The following SMG9 variants were observed in gnomAD, a reference collection of about 807,000 sequenced individuals.
The protein encoded by SMG9 is nonsense-mediated mRNA decay factor SMG9.
Under a neutral mutation model 64.0 loss-of-function variants are expected in SMG9, and 55 were observed. That is an observed-to-expected ratio of 0.86 (90% CI 0.69 to 1.08). The LOEUF is 1.08. Among genes scored for constraint, SMG9 ranks in the 50% least tolerant of loss-of-function variants. The pLI is 0.00. For synonymous variants in SMG9, 244 were observed against 254.8 expected, an observed-to-expected ratio of 0.96 and a Z score of 0.41; for missense variants, 554 against 681.3, an observed-to-expected ratio of 0.81 and a Z score of 2.08.
At chr19:43,738,933 T>C (rs1168486711) in intron 7 of SMG9, among the ~76,000 whole-genome samples, 2 of 152,172 alleles carry the variant, frequency 1.3e-5, no homozygotes, top group East Asian at 3.8e-4. Context: ...CACATCACAT[T>C]TGTAGATTTT....
Position 43,731,209 on chromosome 19 carries a change from G to C in SMG9, c.*387C>G. On this transcript the variant is annotated 3_prime_UTR_variant, in exon 14 of 14. Transcript: ENST00000270066. ...ATCTGTTCCAATAAAGAGCTCTCCAGACCCTGCCTCACCTTACAGGGAAGG... is the reference window on the plus strand; with the variant it reads ...ATCTGTTCCAATAAAGAGCTCTCCACACCCTGCCTCACCTTACAGGGAAGG... The C allele has an allele frequency of 9.7e-7, 1 of 1,035,090 alleles. No homozygotes were observed. Among genetic ancestry groups the C allele is most frequent in the Non-Finnish European group, 1.2e-6 (1 of 861,354 alleles). 64.1% of individuals were successfully genotyped at this position (1,035,090 alleles called of 1,614,324 possible).
Position 43,733,442 on chromosome 19 carries a change from G to C in SMG9, c.1221C>G (p.Ser407=). The C allele has an allele frequency of 6.2e-7, 1 of 1,613,968 alleles. No individual in the cohort carries two copies. The highest frequency in any genetic ancestry group is 8.5e-7 in the Non-Finnish European group (1 of 1,180,012). Residue 407 remains serine (S), a synonymous_variant, in exon 12 of 14, where the codon TCC becomes TCG. Coordinates refer to ENST00000270066, the MANE Select transcript of SMG9 (RefSeq NM_019108.4). Reference sequence around the variant, plus strand: ...CCGGGAAGACATTGCATTGTAACATGGACAGAGTTCCTGGAGGAGAAAACG... The same window carrying C: ...CCGGGAAGACATTGCATTGTAACATCGACAGAGTTCCTGGAGGAGAAAACG... ...HSHLRYKGTL[S]MLQCNVFPGL...
In SMG9 at chr19:43,747,622, C is replaced by G; in HGVS notation, c.490+11G>C. On this transcript the variant is annotated intron_variant, in intron 4 of 13. Coordinates refer to ENST00000270066, the MANE Select transcript of SMG9 (RefSeq NM_019108.4). ...CAGTTCCCAACCTGGTACTGCCCAG[C>G]CCCAACTCACGGTCCATGGCTGCTG... The G allele has an allele frequency of 6.2e-7, 1 of 1,613,970 alleles. No homozygotes were observed. Among genetic ancestry groups the G allele is most frequent in the Non-Finnish European group, 8.5e-7 (1 of 1,179,938 alleles).
At chr19:43,754,614 G>A (rs1287705164) in intron 1 of SMG9, 40 bp downstream of exon 1, 1 of 152,076 alleles carries the variant, frequency 6.6e-6, no homozygotes, top group Non-Finnish European at 1.5e-5. Context: ...CCCGCCCGCC[G>A]CCGGTGCGCT....
intron 1 of SMG9, among the ~76,000 whole-genome samples, chr19:43,753,951 C>G (rs60113973): frequency 1.7e-3 from 259 of 151,342 alleles, no homozygotes; most frequent in African/African-American, 6.1e-3. Context: ...CACATGCAAG[C>G]TGGGGACTTC....
Position 43,748,022 on chromosome 19 carries a change from T to G in SMG9, c.181A>C (p.Met61Leu), listed in dbSNP as rs774279651. Reference sequence around the variant, plus strand: ...GAGAGGATGATGGGGGTTTTCTGCATGACGGAAGTGCTTGTCTCTTCGCTG... The same window carrying G: ...GAGAGGATGATGGGGGTTTTCTGCAGGACGGAAGTGCTTGTCTCTTCGCTG... ...DASEETSTSV[M>L]QKTPIILSKP... Residue 61 changes from methionine to leucine, a missense_variant, in exon 3 of 14, where the codon ATG (methionine) becomes CTG (leucine). Coordinates refer to ENST00000270066, the MANE Select transcript of SMG9 (RefSeq NM_019108.4). The G allele has an allele frequency of 6.2e-7, 1 of 1,613,114 alleles. No individual in the cohort carries two copies. The highest frequency in any genetic ancestry group is 8.5e-7 in the Non-Finnish European group (1 of 1,179,550).
intron 5 of SMG9, among the ~76,000 whole-genome samples, chr19:43,745,246 T>C (rs545913404): frequency 3.9e-5 from 6 of 152,234 alleles, no homozygotes; most frequent in African/African-American, 9.6e-5. Context: ...TTGGAGAAGA[T>C]AGGACTCGGC....
chr19:43,747,220 T>C (rs571069952), intron 5 of SMG9, among the ~76,000 whole-genome samples: 9 of 152,160 alleles, frequency 5.9e-5, no homozygotes, highest in Non-Finnish European at 1.3e-4. Flanking sequence ...AGAGTACTTC[T>C]TTACCAATCG....
chr19:43,747,726 G>A lies in SMG9; in HGVS notation c.397C>T (p.Pro133Ser). ...APPPPAAPAP[P>S]KGEKEGQRPT... ...CTCTGCCCCTCCTTCTCCCCCTTGG[G>A]TGGCGCAGGGGCTGCAGGGGGTGGT... is the stretch of plus-strand genomic sequence containing the variant. Residue 133 changes from proline (P) to serine (S), a missense_variant, in exon 4 of 14, where the codon CCC becomes TCC. Pro to Ser is a moderately conservative substitution (Grantham distance 74, BLOSUM62 -1). Coordinates refer to ENST00000270066, the MANE Select transcript of SMG9 (RefSeq NM_019108.4). 1 of 1,611,374 alleles carries A rather than the reference G, an allele frequency of 6.2e-7. No individual in the cohort carries two copies. The highest frequency in any genetic ancestry group is 1.7e-5 in the Admixed American group (1 of 59,758).
chr19:43,728,974 C>G lies in SMG9; in HGVS notation c.*2622G>C, dbSNP rs963813457. 1.0e-6 allele frequency: 1 copy of G among 985,384 alleles called. No homozygotes were observed. The highest frequency in any genetic ancestry group is 6.1e-5 in the Admixed American group (1 of 16,272). The allele number at this position is 985,384 out of a possible 1,614,324, so 61.0% of individuals were successfully genotyped here. A position where few individuals can be genotyped will look rare whatever the true frequency, so the allele number is the denominator to read the frequency against. ...GCCCATCTTGCAGCCCATCCTAGAGCAGAAGGCCTCCCTGCAGCAGTATAT... is the reference window on the plus strand; with the variant it reads ...GCCCATCTTGCAGCCCATCCTAGAGGAGAAGGCCTCCCTGCAGCAGTATAT... On this transcript the variant is annotated 3_prime_UTR_variant, in exon 14 of 14. Coordinates refer to ENST00000270066, the MANE Select transcript of SMG9 (RefSeq NM_019108.4).
At chr19:43,740,755 TGA>T (rs1968822252) in intron 6 of SMG9, among the ~76,000 whole-genome samples, 1 of 151,452 alleles carries the variant, frequency 6.6e-6, no homozygotes, top group African/African-American at 2.4e-5. Flanking sequence ...ACTCCCACAG[TGA>T]GAGAGAGTTT....
In SMG9 at chr19:43,731,031, C is replaced by T; in HGVS notation, c.*565G>A. The T allele has an allele frequency of 3.8e-6, 3 of 787,460 alleles. No homozygotes were observed. The highest frequency in any genetic ancestry group is 4.6e-6 in the Non-Finnish European group (3 of 649,224). The allele number at this position is 787,460 out of a possible 1,614,324, so 48.8% of individuals were successfully genotyped here. ...ATGCCACCCCAGGAAACAGAATAACCCCTTCTAGGGACTTCTTAGCAGAGA... is the reference window on the plus strand; with the variant it reads ...ATGCCACCCCAGGAAACAGAATAACTCCTTCTAGGGACTTCTTAGCAGAGA... On this transcript the variant is annotated 3_prime_UTR_variant, in exon 14 of 14. Transcript: ENST00000270066.
chr19:43,732,410 G>C (rs1173356422), intron 13 of SMG9: 1 of 174,006 alleles, frequency 5.7e-6, no homozygotes, highest in African/African-American at 2.4e-5. Context: ...GACAAATGCA[G>C]AAGTGTGAAG....
intron 1 of SMG9, chr19:43,754,262 G>A (rs1969284626): frequency 6.6e-6 from 1 of 152,090 alleles, no homozygotes; most frequent in African/African-American, 2.4e-5. Flanking sequence ...TTTTCCTAAG[G>A]ACTCCCTAGG....
chr19:43,740,327 C>T, intron 6 of SMG9, 109 bp from the exon 7 acceptor site: 1 of 798,150 alleles, frequency 1.3e-6, no homozygotes, highest in Non-Finnish European at 2.2e-6. Context: ...GCCCTGCCTG[C>T]TCCCTAAGCT....
At position 43,750,676 on chromosome 19, in the gene SMG9, C is replaced by A; in HGVS notation, c.66G>T (p.Glu22Asp). 1 of 1,614,108 alleles carries A rather than the reference C, an allele frequency of 6.2e-7. No homozygotes were observed. Among genetic ancestry groups the A allele is most frequent in the Non-Finnish European group, 8.5e-7 (1 of 1,180,024 alleles). The change falls in exon 2 of 14, where the codon GAG (glutamate) becomes GAT (aspartate). Residue 22 changes from glutamate to aspartate, a missense_variant. By Grantham distance (45) the Glu-to-Asp change is conservative (BLOSUM62 2). Coordinates refer to ENST00000270066, the MANE Select transcript of SMG9 (RefSeq NM_019108.4). ...GATTCTGGGGGCCACCAGAGCCAGGCTCCTTCCACCGTCGCCGCCGCTCTA... is the reference window on the plus strand; with the variant it reads ...GATTCTGGGGGCCACCAGAGCCAGGATCCTTCCACCGTCGCCGCCGCTCTA... ...YGIERRRRWK[E>D]PGSGGPQNLS...
chr19:43,737,589 C>T lies in SMG9; in HGVS notation c.995+8G>A. 1 of 1,611,704 alleles carries T rather than the reference C, an allele frequency of 6.2e-7. No individual in the cohort carries two copies. The highest frequency in any genetic ancestry group is 1.3e-5 in the African/African-American group (1 of 75,008). On this transcript the variant is annotated splice_region_variant and intron_variant, in intron 9 of 13. Transcript: ENST00000270066. ...TCCTCCCCACCCTCCAACCCCTCAGCTCCTCACCTGTAGAGACTGAGGTCT... is the reference window on the plus strand; with the variant it reads ...TCCTCCCCACCCTCCAACCCCTCAGTTCCTCACCTGTAGAGACTGAGGTCT...
intron 1 of SMG9, among the ~76,000 whole-genome samples, chr19:43,753,559 C>G (rs1327947461): frequency 6.8e-6 from 1 of 147,922 alleles, no homozygotes; most frequent in Non-Finnish European, 1.5e-5. Context: ...CTCCCGGGTT[C>G]AGGCAATTCT....
At chr19:43,743,204 C>G (rs1303988339) in intron 6 of SMG9, among the ~76,000 whole-genome samples, 3 of 152,190 alleles carry the variant, frequency 2.0e-5, no homozygotes, top group Admixed American at 6.5e-5. Context: ...TTCTCCCTAC[C>G]TCAGGAATCT....
Sources: allele counts gnomAD v4.1 joint callset (sites outside exome capture counted in the v4.1 genomes callset), GRCh38; gene constraint gnomAD v4.1.1; transcripts MANE v1.5; gene names NCBI Gene and HGNC (gene_info 2026-07-23, HGNC 2026-07-21).